ASIC2: variants seen among roughly 807,000 people sequenced by gnomAD.
ASIC2 encodes the protein acid sensing ion channel subunit 2.
Under a neutral mutation model 57.3 loss-of-function variants are expected in ASIC2, and 25 were observed. That is an observed-to-expected ratio of 0.44 (90% CI 0.32 to 0.61). The LOEUF (loss-of-function observed/expected upper bound fraction) is 0.61, where lower values mean the gene tolerates loss of function less well. Among genes scored for constraint, ASIC2 ranks in the 20% least tolerant of loss-of-function variants. The pLI is 0.06. For synonymous variants in ASIC2, 319 were observed against 307.5 expected (o/e 1.04, Z -0.39); for missense variants, 641 against 738.1 (o/e 0.87, Z 1.52).
chr17:33,879,338 T>G (rs547186172), intron 1 of ASIC2, among the ~76,000 whole-genome samples: 1 of 152,328 alleles, frequency 6.6e-6, no homozygotes, highest in African/African-American at 2.4e-5. Flanking sequence ...TCAAGACCCA[T>G]CAGTGTGCTC....
intron 1 of ASIC2, among the ~76,000 whole-genome samples, chr17:33,260,020 C>T (rs1396596145): frequency 6.6e-6 from 1 of 152,086 alleles, no homozygotes; most frequent in African/African-American, 2.4e-5. Flanking sequence ...CGCTGGCAGT[C>T]CCAGCTACTT....
intron 1 of ASIC2, among the ~76,000 whole-genome samples, chr17:33,861,920 A>G (rs537996550): frequency 2.0e-5 from 3 of 152,202 alleles, no homozygotes; most frequent in Non-Finnish European, 2.9e-5. Context: ...CGTGGCAAAT[A>G]CAAAGTGGTA....
At chr17:33,044,719 A>G (rs2091945257) in intron 3 of ASIC2, among the ~76,000 whole-genome samples, 1 of 152,222 alleles carries the variant, frequency 6.6e-6, no homozygotes, top group African/African-American at 2.4e-5. Flanking sequence ...AATTGAGGCT[A>G]TGAAGATGAA....
chr17:33,598,388 T>C (rs1905039081), intron 1 of ASIC2, among the ~76,000 whole-genome samples: 2 of 152,216 alleles, frequency 1.3e-5, no homozygotes, highest in South Asian at 2.1e-4. Context: ...ACAGAGTGTT[T>C]GCAGGTTATT....
intron 1 of ASIC2, among the ~76,000 whole-genome samples, chr17:33,875,777 T>C (rs1225220366): frequency 1.3e-5 from 2 of 152,000 alleles, no homozygotes; most frequent in Non-Finnish European, 2.9e-5. Context: ...CACAGGAAAA[T>C]GCTTAACTGG....
chr17:33,787,158 C>T (rs974333960), intron 1 of ASIC2, among the ~76,000 whole-genome samples: 1 of 152,222 alleles, frequency 6.6e-6, no homozygotes, highest in African/African-American at 2.4e-5. Context: ...GGCAGTTTCT[C>T]CTTTTAAACA....
chr17:33,790,792 G>A (rs951272569), intron 1 of ASIC2, among the ~76,000 whole-genome samples: 4 of 152,044 alleles, frequency 2.6e-5, no homozygotes, highest in Admixed American at 1.3e-4. Flanking sequence ...TGATGATGAC[G>A]ATCTAACAAC....
At chr17:33,059,804 C>T (rs1309686650) in intron 3 of ASIC2, among the ~76,000 whole-genome samples, 3 of 152,234 alleles carry the variant, frequency 2.0e-5, no homozygotes, top group Non-Finnish European at 4.4e-5. Context: ...TATTTCTCCA[C>T]ATCCTCTCCA....
chr17:33,704,422 G>A lies in ASIC2; in HGVS notation c.555+451556C>T, dbSNP rs188794820. Among the ~76,000 whole-genome samples the A allele has an allele frequency of 1.7e-4, 26 of 152,290 alleles. No individual in the cohort carries two copies. The East Asian group carries it at 4.4e-3, about 26-fold the overall frequency. On this transcript the variant is annotated intron_variant, in intron 1 of 9. Transcript: ENST00000359872. Reference sequence around the variant, plus strand: ...TAATCATGCATGACTCCTGTAAAGGGAGTCTCCCTAGTGCCAGTCTTTGCT... The same window carrying A: ...TAATCATGCATGACTCCTGTAAAGGAAGTCTCCCTAGTGCCAGTCTTTGCT...
chr17:33,318,630 T>C (rs1171475253), intron 1 of ASIC2, among the ~76,000 whole-genome samples: 1 of 152,196 alleles, frequency 6.6e-6, no homozygotes, highest in East Asian at 1.9e-4. Flanking sequence ...GCAGGATGAC[T>C]TGCTTTTATT....
chr17:33,221,522 T>TA (rs1217779032), intron 1 of ASIC2, among the ~76,000 whole-genome samples: 4 of 152,204 alleles, frequency 2.6e-5, no homozygotes, highest in African/African-American at 9.7e-5. Flanking sequence ...GTAAAGATTT[T>TA]AGGCTTCTAA....
At chr17:33,463,389 C>G (rs1484629152) in intron 1 of ASIC2, among the ~76,000 whole-genome samples, 4 of 152,238 alleles carry the variant, frequency 2.6e-5, no homozygotes, top group Non-Finnish European at 5.9e-5. Flanking sequence ...TCTTCTTCCT[C>G]TTTGTCACAT....
intron 1 of ASIC2, among the ~76,000 whole-genome samples, chr17:34,113,732 G>A (rs552794575): frequency 6.6e-6 from 1 of 151,740 alleles, no homozygotes; most frequent in Non-Finnish European, 1.5e-5. Context: ...AAAAATTGCC[G>A]GGTGCAGTGG....
At chr17:34,128,407 C>G (rs1911852216) in intron 1 of ASIC2, among the ~76,000 whole-genome samples, 1 of 152,140 alleles carries the variant, frequency 6.6e-6, no homozygotes. Flanking sequence ...CCTCCCTGGT[C>G]CCACTGTGCC....
chr17:33,536,612 A>G (rs912585881), intron 1 of ASIC2, among the ~76,000 whole-genome samples: 3 of 152,160 alleles, frequency 2.0e-5, no homozygotes, highest in East Asian at 1.9e-4. Flanking sequence ...ATCTCACCTT[A>G]TCTTGCATAT....
At chr17:33,998,908 T>C (rs1906245002) in intron 1 of ASIC2, among the ~76,000 whole-genome samples, 1 of 152,130 alleles carries the variant, frequency 6.6e-6, no homozygotes, top group Non-Finnish European at 1.5e-5. Flanking sequence ...TTCAAGTCTG[T>C]TGTTTCCACA....
intron 1 of ASIC2, among the ~76,000 whole-genome samples, chr17:34,116,844 C>T (rs900125063): frequency 1.3e-5 from 2 of 151,966 alleles, no homozygotes; most frequent in African/African-American, 4.8e-5. Flanking sequence ...ATACCTTTTG[C>T]AAGTGTGTGT....
At chr17:34,025,137 A>G (rs890954715) in intron 1 of ASIC2, among the ~76,000 whole-genome samples, 1 of 152,198 alleles carries the variant, frequency 6.6e-6, no homozygotes, top group Non-Finnish European at 1.5e-5. Context: ...ACCAGCTCCT[A>G]GACCCTGCTC....
At chr17:33,201,569 A>G (rs72819142) in intron 1 of ASIC2, among the ~76,000 whole-genome samples, 5,577 of 152,260 alleles carry the variant, frequency 0.037, 152 homozygotes, top group East Asian at 0.13. Flanking sequence ...TTTTCTAGAC[A>G]TTTCTGAATA....
Sources: allele counts gnomAD v4.1 joint callset (sites outside exome capture counted in the v4.1 genomes callset), GRCh38; gene constraint gnomAD v4.1.1; transcripts MANE v1.5; gene names NCBI Gene and HGNC (gene_info 2026-07-23, HGNC 2026-07-21).